The following SIRPA variants were observed in gnomAD, a reference collection of about 807,000 sequenced individuals.
SIRPA encodes the protein tyrosine-protein phosphatase non-receptor type substrate 1.
A neutral mutation model predicts 50.3 loss-of-function variants in SIRPA; 9 were observed. The observed-to-expected ratio is 0.18, with a 90% CI of 0.11 to 0.31. The LOEUF (loss-of-function observed/expected upper bound fraction) is 0.31. Among genes scored for constraint, SIRPA ranks in the 10% least tolerant of loss-of-function variants. The pLI is 1.00. For missense variants in SIRPA, 474 were observed against 661.6 expected (o/e 0.72, Z 3.11); for synonymous variants, 265 against 284.1 (o/e 0.93, Z 0.68).
At chr20:1,916,109 C>A (rs1284624737) in intron 2 of SIRPA, among the ~76,000 whole-genome samples, 6 of 152,236 alleles carry the variant, frequency 3.9e-5, no homozygotes, top group African/African-American at 1.4e-4. Context: ...ATTCATGCGT[C>A]ACTAAAGGCT....
In SIRPA at chr20:1,936,931, T is replaced by C. The variant is rs1986608595; in HGVS notation, c.1267-389T>C. On this transcript the variant is annotated intron_variant, in intron 7 of 7. Transcript: ENST00000358771. This position sits in a 1 kb window ranked among gnomAD's most constrained non-coding sequence, Gnocchi z 4.2. The stretch of plus-strand genomic sequence containing the variant: ...AGTATGAGCCATGCTTCATCTGAAA[T>C]TTACATGGTGGATTGGGATTTGTTA... Among the ~76,000 whole-genome samples the C allele has an allele frequency of 6.6e-6, 1 of 151,736 alleles. No homozygotes were observed. Among genetic ancestry groups the C allele is most frequent in the African/African-American group, 2.4e-5 (1 of 41,292 alleles).
Position 1,937,575 on chromosome 20 carries a change from C to T in SIRPA, c.*7C>T, listed in dbSNP as rs375290385. ...CCAGGTCCCGAGGAAGTGAATGGGA[C>T]CGTGGTTTGCTCTAGCACCCATCTC... On this transcript the variant is annotated 3_prime_UTR_variant, in exon 8 of 8. Transcript: ENST00000358771. The surrounding 1 kb of genome is among the most constrained non-coding windows in gnomAD (Gnocchi z 8.3). 6.5e-5 allele frequency: 105 copies of T among 1,613,642 alleles called. No homozygotes were observed. Among genetic ancestry groups the T allele is most frequent in the Non-Finnish European group, 8.1e-5 (96 of 1,179,842 alleles).
rs759597616 is a variant in SIRPA at position 1,895,533 on chromosome 20, AC to A, written c.79+14del. ...GCGTCCTGCGCCTGGTCAGGTAAGC[AC>A]CCCCCCGCTCCCCACCGCTGCACTC... On this transcript the variant is annotated splice_region_variant and intron_variant, in intron 1 of 7. Transcript: ENST00000358771. The A allele has an allele frequency of 8.2e-5, 118 of 1,441,694 alleles. No homozygotes were observed. Among genetic ancestry groups the A allele is most frequent in the South Asian group, 3.3e-4 (23 of 70,382 alleles). The allele number at this position is 1,441,694 out of a possible 1,614,324, so 89.3% of individuals were successfully genotyped here.
chr20:1,927,950 G>T lies in SIRPA; in HGVS notation c.1226+51G>T. The T allele has an allele frequency of 6.7e-7, 1 of 1,503,414 alleles. No homozygotes were observed. Among genetic ancestry groups the T allele is most frequent in the South Asian group, 1.1e-5 (1 of 88,716 alleles). The allele number at this position is 1,503,414 out of a possible 1,614,324, so 93.1% of individuals were successfully genotyped here. A position where few individuals can be genotyped will look rare whatever the true frequency, so the allele number is the denominator to read the frequency against. On this transcript the variant is annotated intron_variant, in intron 6 of 7. Transcript: ENST00000358771. The surrounding 1 kb of genome is among the most constrained non-coding windows in gnomAD (Gnocchi z 6.5). The stretch of plus-strand genomic sequence containing the variant: ...TCTTGCAGTTATTATTTGGTTATTT[G>T]ACAGCCCCCCAGACTACAAAGCATA...
rs1214209773 is a variant in SIRPA at position 1,928,256 on chromosome 20, C to G, written c.1226+357C>G. ...CCAGATCCAAGTTGTATACTTTACT[C>G]TTTCCTTTGTTTAGTAAATATTTAT... On this transcript the variant is annotated intron_variant, in intron 6 of 7. Transcript: ENST00000358771. This position sits in a 1 kb window ranked among gnomAD's most constrained non-coding sequence, Gnocchi z 4.9. 2.6e-5 allele frequency among the ~76,000 whole-genome samples: 4 copies of G among 152,198 alleles called. No homozygotes were observed. The highest frequency in any genetic ancestry group is 9.7e-5 in the African/African-American group (4 of 41,442).
At chr20:1,922,856 T>C (rs965864254) in intron 4 of SIRPA, among the ~76,000 whole-genome samples, 6 of 152,210 alleles carry the variant, frequency 3.9e-5, no homozygotes, top group Non-Finnish European at 7.3e-5. Flanking sequence ...GATAGATCTT[T>C]TGACATAGAT....
At chr20:1,929,933 C>T (rs1356083649) in intron 6 of SIRPA, among the ~76,000 whole-genome samples, 1 of 152,158 alleles carries the variant, frequency 6.6e-6, no homozygotes, top group South Asian at 2.1e-4. Flanking sequence ...AACAGTTTCA[C>T]TTCTAGCCAC....
Position 1,898,969 on chromosome 20 carries a change from AG to A in SIRPA, c.79+3448del, listed in dbSNP as rs1983995119. Among the ~76,000 whole-genome samples, 1 of 151,638 alleles carries A rather than the reference AG, an allele frequency of 6.6e-6. No homozygotes were observed. The highest frequency in any genetic ancestry group is 2.1e-4 in the South Asian group (1 of 4,778). ...CTGGTGCCCTTTGCGACAGATGGAG[AG>A]GGGGTGTGCGAGAGGAAGGGAGTCT... On this transcript the variant is annotated intron_variant, in intron 1 of 7. Coordinates refer to ENST00000358771, the MANE Select transcript of SIRPA (RefSeq NM_001040023.2). The surrounding 1 kb of genome is among the most constrained non-coding windows in gnomAD (Gnocchi z 4.3).
Position 1,921,604 on chromosome 20 carries a change from G to T in SIRPA, c.646G>T (p.Val216Leu). The T allele has an allele frequency of 6.2e-7, 1 of 1,614,220 alleles. No individual in the cohort carries two copies. The highest frequency in any genetic ancestry group is 2.2e-5 in the East Asian group (1 of 44,880). The change falls in exon 3 of 8, where the codon GTG (valine) becomes TTG (leucine). Residue 216 changes from valine (V) to leucine (L), a missense_variant. Transcript: ENST00000358771. ...CAGCATCCACAGCACAGCCAAGGTGGTGCTGACCCGCGAGGACGTTCACTC... is the reference window on the plus strand; with the variant it reads ...CAGCATCCACAGCACAGCCAAGGTGTTGCTGACCCGCGAGGACGTTCACTC... Reference protein sequence around the residue: ...SYSIHSTAKVVLTREDVHSQV... With the variant: ...SYSIHSTAKVLLTREDVHSQV...
intron 1 of SIRPA, among the ~76,000 whole-genome samples, chr20:1,901,316 G>A (rs754988684): frequency 3.4e-4 from 51 of 151,846 alleles, no homozygotes; most frequent in Admixed American, 1.9e-3. Context: ...GACTACAGGC[G>A]CACACCGTCA....
rs1338333602 is a variant in SIRPA at position 1,898,373 on chromosome 20, G to A, written c.79+2847G>A. On this transcript the variant is annotated intron_variant, in intron 1 of 7. Coordinates refer to ENST00000358771, the MANE Select transcript of SIRPA (RefSeq NM_001040023.2). The surrounding 1 kb of genome is among the most constrained non-coding windows in gnomAD (Gnocchi z 4.3). ...CTTTACCAACCCCTCGGAAACTCAC[G>A]GTAATTCACGTCTGTACTTGCAGTC... is the stretch of plus-strand genomic sequence containing the variant. Among the ~76,000 whole-genome samples, 5 of 152,144 alleles carry A rather than the reference G, an allele frequency of 3.3e-5. No individual in the cohort carries two copies. The highest frequency in any genetic ancestry group is 4.1e-4 in the South Asian group (2 of 4,830).
chr20:1,907,886 A>T (rs915436602), intron 1 of SIRPA, among the ~76,000 whole-genome samples: 3 of 152,198 alleles, frequency 2.0e-5, no homozygotes, highest in Non-Finnish European at 4.4e-5. Flanking sequence ...TGTGGCATCC[A>T]TGCAGCCATC....
intron 2 of SIRPA, 148 bp from the exon 3 acceptor site, chr20:1,921,247 G>C: frequency 7.1e-7 from 1 of 1,416,534 alleles, no homozygotes. Flanking sequence ...TCTGTAAAAT[G>C]ACAATAAGGA....
chr20:1,915,658 G>T (rs1181265596), intron 2 of SIRPA, among the ~76,000 whole-genome samples: 1 of 152,216 alleles, frequency 6.6e-6, no homozygotes, highest in Non-Finnish European at 1.5e-5. Context: ...TAAAGGGTGG[G>T]AACATCTGCA....
rs1986378045 is a variant in SIRPA at position 1,933,061 on chromosome 20, G to A, written c.1227-1654G>A. On this transcript the variant is annotated intron_variant, in intron 6 of 7. Transcript: ENST00000358771. This position sits in a 1 kb window ranked among gnomAD's most constrained non-coding sequence, Gnocchi z 4.4. Reference sequence around the variant, plus strand: ...AAAAATAGCATCTGAAGGAAGAAAAGGATTAAAGCAGATTAAGAGGCAGCA... The same window carrying A: ...AAAAATAGCATCTGAAGGAAGAAAAAGATTAAAGCAGATTAAGAGGCAGCA... Among the ~76,000 whole-genome samples the A allele has an allele frequency of 6.6e-6, 1 of 152,240 alleles. No homozygotes were observed. Among genetic ancestry groups the A allele is most frequent in the East Asian group, 1.9e-4 (1 of 5,200 alleles).
In SIRPA at chr20:1,934,262, G is replaced by A. The variant is rs1241181988; in HGVS notation, c.1227-453G>A. Reference sequence around the variant, plus strand: ...AAACCTCCTCCCCCATCCAGCCCTTGACAAATGCCTTTGTGTTGAAAGCTT... The same window carrying A: ...AAACCTCCTCCCCCATCCAGCCCTTAACAAATGCCTTTGTGTTGAAAGCTT... On this transcript the variant is annotated intron_variant, in intron 6 of 7. Coordinates refer to ENST00000358771, the MANE Select transcript of SIRPA (RefSeq NM_001040023.2). The surrounding 1 kb of genome is among the most constrained non-coding windows in gnomAD (Gnocchi z 4.6). Among the ~76,000 whole-genome samples, 1 of 152,116 alleles carries A rather than the reference G, an allele frequency of 6.6e-6. No individual in the cohort carries two copies. The highest frequency in any genetic ancestry group is 2.4e-5 in the African/African-American group (1 of 41,428).
intron 1 of SIRPA, among the ~76,000 whole-genome samples, chr20:1,896,249 T>G (rs1983810221): frequency 6.6e-6 from 1 of 152,232 alleles, no homozygotes; most frequent in Non-Finnish European, 1.5e-5. Flanking sequence ...GGCAGCTCCC[T>G]GCAGTTCAGG....
At chr20:1,900,336 G>T (rs980874775) in intron 1 of SIRPA, among the ~76,000 whole-genome samples, 1 of 152,098 alleles carries the variant, frequency 6.6e-6, no homozygotes, top group African/African-American at 2.4e-5. Context: ...CTGACCCCAG[G>T]TGATCCACCT....
At chr20:1,912,784 G>A (rs894420594) in intron 1 of SIRPA, among the ~76,000 whole-genome samples, 5 of 152,244 alleles carry the variant, frequency 3.3e-5, no homozygotes, top group African/African-American at 1.2e-4. Context: ...GGGGAGCCAT[G>A]CTGTCACCCA....
Sources: allele counts gnomAD v4.1 joint callset (sites outside exome capture counted in the v4.1 genomes callset), GRCh38; gene constraint gnomAD v4.1.1; non-coding constraint Gnocchi (gnomAD v3.1); transcripts MANE v1.5; gene names NCBI Gene and HGNC (gene_info 2026-07-23, HGNC 2026-07-21).